DNMT3A: variants seen among roughly 807,000 people sequenced by gnomAD.
DNMT3A encodes the protein DNA methyltransferase 3 alpha.
A neutral mutation model predicts 117.6 loss-of-function variants in DNMT3A; 267 were observed. That is an observed-to-expected ratio of 2.27 (90% CI 2.05 to 2.51). The LOEUF (loss-of-function observed/expected upper bound fraction) is 2.51. Ranked by LOEUF, DNMT3A falls within the 30% of genes most tolerant of loss-of-function variation. The pLI is 0.00. For synonymous variants in DNMT3A, 432 were observed against 474.8 expected (o/e 0.91, Z 1.17); for missense variants, 1,029 against 1,260.2 (o/e 0.82, Z 2.78).
chr2:25,286,626 G>A lies in DNMT3A; in HGVS notation c.178-3915C>T, dbSNP rs1276723488. 1.3e-5 allele frequency among the ~76,000 whole-genome samples: 2 copies of A among 152,210 alleles called. No individual in the cohort carries two copies. On this transcript the variant is annotated intron_variant, in intron 3 of 22. Coordinates refer to ENST00000321117, the MANE Select transcript of DNMT3A (RefSeq NM_022552.5). The surrounding 1 kb of genome is among the most constrained non-coding windows in gnomAD (Gnocchi z 4.3). ...CAAGAACTCCCTCAAGCTAAGTGTGGCCCCTCAATGGGGCTCTCTGGGGCT... is the reference window on the plus strand; with the variant it reads ...CAAGAACTCCCTCAAGCTAAGTGTGACCCCTCAATGGGGCTCTCTGGGGCT...
rs1299899949 is a variant in DNMT3A, at chr2:25,339,345, A to G, written c.-178+2481T>C. 1.3e-5 allele frequency among the ~76,000 whole-genome samples: 2 copies of G among 152,168 alleles called. No homozygotes were observed. Among genetic ancestry groups the G allele is most frequent in the Non-Finnish European group, 2.9e-5 (2 of 68,024 alleles). ...CTAGGCTTCTCCAGGAAGGACTCAG[A>G]GGGCAGCCCTGTGGACCAGTCCACT... On this transcript the variant is annotated intron_variant, in intron 1 of 22. Coordinates refer to ENST00000321117, the MANE Select transcript of DNMT3A (RefSeq NM_022552.5). The surrounding 1 kb of genome is among the most constrained non-coding windows in gnomAD (Gnocchi z 4.9).
intron 6 of DNMT3A, among the ~76,000 whole-genome samples, chr2:25,259,238 G>A (rs1341113573): frequency 6.6e-6 from 1 of 152,218 alleles, no homozygotes; most frequent in Non-Finnish European, 1.5e-5. Context: ...CCGCTATCCT[G>A]GAACTGCTGG....
intron 1 of DNMT3A, among the ~76,000 whole-genome samples, chr2:25,340,444 G>A (rs1052635750): frequency 2.6e-5 from 4 of 152,102 alleles, no homozygotes; most frequent in African/African-American, 9.6e-5. Flanking sequence ...CCAGGGCCGC[G>A]GGCCCCAGCG....
rs902232310 is a variant in DNMT3A, at chr2:25,234,981, A to G, written c.2598-561T>C. The stretch of plus-strand genomic sequence containing the variant: ...AAATCCTAGTTACACTCAGAGAACA[A>G]GAAGGTCATCCAGCCCCGAAAGTCC... On this transcript the variant is annotated intron_variant, in intron 22 of 22. Transcript: ENST00000321117. The surrounding 1 kb of genome is among the most constrained non-coding windows in gnomAD (Gnocchi z 4.5). Among the ~76,000 whole-genome samples, 2 of 152,198 alleles carry G rather than the reference A, an allele frequency of 1.3e-5. No homozygotes were observed. The highest frequency in any genetic ancestry group is 4.8e-5 in the African/African-American group (2 of 41,446).
At chr2:25,341,314 C>T (rs905917066) in intron 1 of DNMT3A, among the ~76,000 whole-genome samples, 2 of 145,194 alleles carry the variant, frequency 1.4e-5, no homozygotes, top group Non-Finnish European at 3.1e-5. Context: ...CCCGCTCCCC[C>T]GGGCCGCCGC....
chr2:25,275,239 C>G (rs1427303336), intron 5 of DNMT3A, 152 bp from the exon 6 acceptor site: 2 of 1,203,858 alleles, frequency 1.7e-6, no homozygotes, highest in Admixed American at 6.1e-5. Flanking sequence ...GCTGGAGGAG[C>G]GAGGGGCATG....
At position 25,229,750 on chromosome 2, in the gene DNMT3A, T is replaced by C. The variant is rs1452822838; in HGVS notation, c.*4529A>G. 2 of 152,100 alleles carry C rather than the reference T, an allele frequency of 1.3e-5. No individual in the cohort carries two copies. The highest frequency in any genetic ancestry group is 6.6e-5 in the Admixed American group (1 of 15,252). The allele number at this position is 152,100 out of a possible 1,614,324, so 9.4% of individuals were successfully genotyped here. ...CACTGCAACTCCGCACCAAGCAGAG[T>C]AGCAACAGGAATTCAAAACTGCCTC... On this transcript the variant is annotated 3_prime_UTR_variant, in exon 23 of 23. Transcript: ENST00000321117.
chr2:25,242,734 G>T (rs541320679), intron 16 of DNMT3A, among the ~76,000 whole-genome samples: 1 of 152,302 alleles, frequency 6.6e-6, no homozygotes, highest in South Asian at 2.1e-4. Flanking sequence ...CCTTGGCTGG[G>T]GGGGCAGGGC....
chr2:25,246,390 G>A, intron 10 of DNMT3A, 81 bp from the exon 11 acceptor site: 1 of 1,516,778 alleles, frequency 6.6e-7, no homozygotes, highest in Non-Finnish European at 8.9e-7. Context: ...CCTTACAGTG[G>A]GGTGCGGCCT....
intron 6 of DNMT3A, chr2:25,251,891 C>T (rs1473506881): frequency 2.3e-6 from 1 of 440,684 alleles, no homozygotes; most frequent in East Asian, 3.8e-5. Context: ...ACCAGCTCCG[C>T]GTGCCCCAGC....
chr2:25,248,249 C>T lies in DNMT3A; in HGVS notation c.643G>A (p.Glu215Lys). ...CCTGCAATGACCTTGGCTTTCTTCT[C>T]AGCCTGGGGAAACAAAAAACAAAAA... ...EWLARWKREA[E>K]KKAKVIAGMN... The change falls in exon 7 of 23, where the codon GAG becomes AAG. Residue 215 changes from glutamate to lysine, a missense_variant. Glu to Lys is a moderately conservative substitution (Grantham distance 56). Transcript: ENST00000321117. The T allele has an allele frequency of 6.2e-7, 1 of 1,611,998 alleles. No individual in the cohort carries two copies. The highest frequency in any genetic ancestry group is 8.5e-7 in the Non-Finnish European group (1 of 1,179,508).
chr2:25,308,793 C>G (rs1320955473), intron 2 of DNMT3A, among the ~76,000 whole-genome samples: 3 of 152,118 alleles, frequency 2.0e-5, no homozygotes, highest in Non-Finnish European at 4.4e-5. Context: ...CCGCGGGCAG[C>G]AAGAATGACT....
chr2:25,300,404 C>A (rs1259905283), intron 2 of DNMT3A, among the ~76,000 whole-genome samples, 161 bp from the exon 3 acceptor site: 1 of 151,388 alleles, frequency 6.6e-6, no homozygotes, highest in Non-Finnish European at 1.5e-5. Flanking sequence ...ACCAACTCCC[C>A]TCCTGCCTGA....
In DNMT3A at chr2:25,241,698, A is replaced by C. The variant is rs2149278677; in HGVS notation, c.1946T>G (p.Val649Gly). The change falls in exon 17 of 23, where the codon GTG becomes GGG. Residue 649 changes from valine to glycine, a missense_variant. Physicochemically the swap from Val to Gly is moderately radical, Grantham distance 109 (BLOSUM62 -3). Coordinates refer to ENST00000321117, the MANE Select transcript of DNMT3A (RefSeq NM_022552.5). ...LFDGIATGLL[V>G]LKDLGIQVDR... ...CACCTGAATGCCCAAGTCCTTCAGC[A>C]CCAGGAGCCCTGCACCAGCCAGCAG... 1 of 1,613,774 alleles carries C rather than the reference A, an allele frequency of 6.2e-7. No homozygotes were observed.
chr2:25,305,660 A>G lies in DNMT3A; in HGVS notation c.73-5417T>C, dbSNP rs573993477. Among the ~76,000 whole-genome samples the G allele has an allele frequency of 2.0e-5, 3 of 152,324 alleles. No homozygotes were observed. Among genetic ancestry groups the G allele is most frequent in the East Asian group, 3.9e-4 (2 of 5,188 alleles). ...ATTTACATCTTTTGTTTACCAGTCC[A>G]TCGGTCTTTCTACTGCAACATGCCA... On this transcript the variant is annotated intron_variant, in intron 2 of 22. Transcript: ENST00000321117. This position sits in a 1 kb window ranked among gnomAD's most constrained non-coding sequence, Gnocchi z 4.1.
chr2:25,275,601 G>T, intron 4 of DNMT3A, 58 bp from the exon 5 acceptor site: 1 of 1,535,934 alleles, frequency 6.5e-7, no homozygotes, highest in Non-Finnish European at 8.7e-7. Flanking sequence ...TACTGGAGTG[G>T]CTCACAGGCC....
Position 25,247,622 on chromosome 2 carries a change from A to T in DNMT3A, c.983T>A (p.Val328Asp), listed in dbSNP as rs1573340510. ...GAATTTGCCGTCTCCGAACCACATG[A>T]CCCAGCGGGTGCCTTCAGCTGCTCG... ...RSRAAEGTRW[V>D]MWFGDGKFSV... The change falls in exon 8 of 23, where the codon GTC (valine) becomes GAC (aspartate). Residue 328 changes from valine (V) to aspartate (D), a missense_variant. Coordinates refer to ENST00000321117, the MANE Select transcript of DNMT3A (RefSeq NM_022552.5). This position sits in a 1 kb window ranked among gnomAD's most constrained non-coding sequence, Gnocchi z 5.6. 6.2e-7 allele frequency: 1 copy of T among 1,613,638 alleles called. No homozygotes were observed.
At chr2:25,267,886 C>G (rs1049890896) in intron 6 of DNMT3A, among the ~76,000 whole-genome samples, 2 of 152,302 alleles carry the variant, frequency 1.3e-5, no homozygotes, top group Non-Finnish European at 2.9e-5. Context: ...GCGAGTGCTG[C>G]TGTCATGGAG....
At position 25,231,273 on chromosome 2, in the gene DNMT3A, T is replaced by C. The variant is rs1672876247; in HGVS notation, c.*3006A>G. 1 of 152,278 alleles carries C rather than the reference T, an allele frequency of 6.6e-6. No homozygotes were observed. The highest frequency in any genetic ancestry group is 2.4e-5 in the African/African-American group (1 of 41,424). 9.4% of individuals were successfully genotyped at this position (152,278 alleles called of 1,614,324 possible). ...CCCGCGGGAGCAAGGAGGAGCTGGG[T>C]GAGCACCACAGTTAGCACAGGGACT... On this transcript the variant is annotated 3_prime_UTR_variant, in exon 23 of 23. Coordinates refer to ENST00000321117, the MANE Select transcript of DNMT3A (RefSeq NM_022552.5).
Sources: gnomAD v4.1 joint callset for allele counts (sites outside exome capture counted in the v4.1 genomes callset) on GRCh38, gnomAD v4.1.1 for gene constraint, Gnocchi (gnomAD v3.1) non-coding constraint, MANE v1.5 for transcripts, NCBI Gene and HGNC (gene_info 2026-07-23, HGNC 2026-07-21) for gene names.